The following MINDY3 variants were observed in gnomAD, a reference collection of about 807,000 sequenced individuals.
MINDY3 encodes the protein ubiquitin carboxyl-terminal hydrolase MINDY-3.
Under a neutral mutation model 69.2 loss-of-function variants are expected in MINDY3, and 38 were observed. The ratio of observed to expected loss-of-function variants is 0.55; its 90% confidence interval spans 0.42 to 0.72. The LOEUF (loss-of-function observed/expected upper bound fraction) is 0.72, where lower values mean the gene tolerates loss of function less well. Among genes scored for constraint, MINDY3 ranks in the 30% least tolerant of loss-of-function variants. The pLI, the probability that MINDY3 is intolerant of heterozygous loss-of-function variation, is 0.00. For synonymous variants in MINDY3, 192 were observed against 180.1 expected, an observed-to-expected ratio of 1.07 and a Z score of -0.53; for missense variants, 522 against 519.0, an observed-to-expected ratio of 1.01 and a Z score of -0.06.
At chr10:15,793,708 C>T (rs573859255) in intron 11 of MINDY3, among the ~76,000 whole-genome samples, 4 of 152,072 alleles carry the variant, frequency 2.6e-5, no homozygotes, top group Admixed American at 6.6e-5. Context: ...AGAAGTGACT[C>T]AAACCATCAA....
At chr10:15,791,675 A>C (rs996745085) in intron 11 of MINDY3, among the ~76,000 whole-genome samples, 2 of 152,086 alleles carry the variant, frequency 1.3e-5, no homozygotes, top group African/African-American at 4.8e-5. Flanking sequence ...TACCAGTTGA[A>C]TATCCAGATT....
chr10:15,838,163 T>C, intron 5 of MINDY3, 65 bp downstream of exon 5: 1 of 1,520,494 alleles, frequency 6.6e-7, no homozygotes, highest in South Asian at 1.4e-5. Context: ...TTCCACAGTA[T>C]GAACAGACTT....
intron 3 of MINDY3, 81 bp from the exon 4 acceptor site, chr10:15,841,680 G>A: frequency 1.3e-6 from 1 of 781,600 alleles, no homozygotes; most frequent in Non-Finnish European, 1.9e-6. Context: ...TAGTAAGAAT[G>A]GGTTAATGAT....
chr10:15,824,996 C>T (rs771538966), intron 8 of MINDY3, among the ~76,000 whole-genome samples: 167 of 152,190 alleles, frequency 1.1e-3, no homozygotes, highest in Non-Finnish European at 1.8e-3. Flanking sequence ...TACTTTTATG[C>T]CAAGTTGTAA....
chr10:15,796,471 A>G (rs1225090467), intron 10 of MINDY3, among the ~76,000 whole-genome samples: 1 of 149,534 alleles, frequency 6.7e-6, no homozygotes, highest in Non-Finnish European at 1.5e-5. Flanking sequence ...ATAAAAATGT[A>G]GCATGAAAAA....
intron 12 of MINDY3, among the ~76,000 whole-genome samples, chr10:15,787,036 T>C (rs1036844207): frequency 6.6e-6 from 1 of 152,166 alleles, no homozygotes; most frequent in African/African-American, 2.4e-5. Flanking sequence ...TTTTTCTCCT[T>C]GGGCTTAAAA....
At chr10:15,779,177 C>T (rs762645008) in intron 14 of MINDY3, 36 bp from the exon 15 acceptor site, 2 of 1,579,896 alleles carry the variant, frequency 1.3e-6, no homozygotes, top group Admixed American at 3.5e-5. Context: ...GGTCAAGCAA[C>T]AGTCTTAGCA....
At chr10:15,808,424 T>G in intron 10 of MINDY3, among the ~76,000 whole-genome samples, 1 of 152,192 alleles carries the variant, frequency 6.6e-6, no homozygotes, top group East Asian at 1.9e-4. Flanking sequence ...ACCGTTTTAT[T>G]ACATGCAGAG....
intron 1 of MINDY3, among the ~76,000 whole-genome samples, chr10:15,851,203 T>C (rs1270513313): frequency 6.6e-6 from 1 of 152,200 alleles, no homozygotes; most frequent in African/African-American, 2.4e-5. Context: ...TCCCCAGGTC[T>C]TGGTTTTAGG....
At chr10:15,846,050 T>C (rs2132108761) in intron 2 of MINDY3, among the ~76,000 whole-genome samples, 1 of 152,044 alleles carries the variant, frequency 6.6e-6, no homozygotes, top group South Asian at 2.1e-4. Flanking sequence ...CTCCAACACC[T>C]GACCTCAGGT....
At chr10:15,783,363 T>C (rs1219815259) in intron 13 of MINDY3, among the ~76,000 whole-genome samples, 1 of 152,210 alleles carries the variant, frequency 6.6e-6, no homozygotes, top group Admixed American at 6.5e-5. Context: ...TTTAGTCTTA[T>C]CTCCAACTAC....
At chr10:15,844,971 CT>C (rs1294176886) in intron 2 of MINDY3, among the ~76,000 whole-genome samples, 1 of 152,146 alleles carries the variant, frequency 6.6e-6, no homozygotes, top group Non-Finnish European at 1.5e-5. Context: ...CATTTCACCC[CT>C]GAATCTTAGT....
chr10:15,791,889 A>G (rs186569971), intron 11 of MINDY3, among the ~76,000 whole-genome samples: 2 of 152,132 alleles, frequency 1.3e-5, no homozygotes, highest in Non-Finnish European at 2.9e-5. Flanking sequence ...TAAACAGGAG[A>G]GCCTAGCAGG....
chr10:15,841,697 C>A (rs1045024806), intron 3 of MINDY3, 98 bp from the exon 4 acceptor site: 2 of 653,410 alleles, frequency 3.1e-6, no homozygotes, highest in African/African-American at 1.9e-5. Flanking sequence ...TGATGAAAAT[C>A]AAGCATTTTA....
chr10:15,795,064 G>A (rs1300070157), intron 11 of MINDY3, among the ~76,000 whole-genome samples: 8 of 150,236 alleles, frequency 5.3e-5, no homozygotes, highest in Middle Eastern at 3.4e-3. Flanking sequence ...AACACATAAC[G>A]ATTACATGAA....
At chr10:15,816,778 T>C (rs1248839683) in intron 10 of MINDY3, 57 bp downstream of exon 10, 1 of 1,181,502 alleles carries the variant, frequency 8.5e-7, no homozygotes, top group African/African-American at 1.5e-5. Context: ...AATATGAACT[T>C]ATAATACTTG....
intron 2 of MINDY3, 106 bp from the exon 3 acceptor site, chr10:15,843,378 T>C (rs1282395201): frequency 1.1e-6 from 1 of 888,964 alleles, no homozygotes; most frequent in African/African-American, 1.7e-5. Context: ...CTTTCTAATC[T>C]TTTGACTAGT....
chr10:15,780,248 GTCATGAATCTAC>G (rs2131812262), intron 14 of MINDY3, among the ~76,000 whole-genome samples: 1 of 152,242 alleles, frequency 6.6e-6, no homozygotes, highest in East Asian at 1.9e-4. Flanking sequence ...ATAATCTTGT[GTCATGAATCTAC>G]TCATTCCTAA....
chr10:15,837,727 T>A, intron 5 of MINDY3: 1 of 1,053,764 alleles, frequency 9.5e-7, no homozygotes, highest in Non-Finnish European at 1.2e-6. Context: ...ACTTACACAT[T>A]TGCGGCTTCT....
Sources: gnomAD v4.1 joint callset for allele counts (sites outside exome capture counted in the v4.1 genomes callset) on GRCh38, gnomAD v4.1.1 for gene constraint, MANE v1.5 for transcripts, NCBI Gene and HGNC (gene_info 2026-07-23, HGNC 2026-07-21) for gene names.